The following MRPS18A variants were observed in gnomAD, a reference collection of about 807,000 sequenced individuals.
The protein encoded by MRPS18A is mitochondrial ribosomal protein S18A.
A neutral mutation model predicts 22.7 loss-of-function variants in MRPS18A; 20 were observed. The ratio of observed to expected loss-of-function variants is 0.88; its 90% CI spans 0.62 to 1.28. The LOEUF (loss-of-function observed/expected upper bound fraction) is 1.28. Among genes scored for constraint, MRPS18A ranks in the 50% most tolerant of loss-of-function variants. The pLI is 0.00. For missense variants in MRPS18A, 294 were observed against 262.6 expected (o/e 1.12, Z -0.83); for synonymous variants, 106 against 99.1 (o/e 1.07, Z -0.41).
At chr6:43,677,360 C>G (rs1774116326) in intron 3 of MRPS18A, among the ~76,000 whole-genome samples, 1 of 152,212 alleles carries the variant, frequency 6.6e-6, no homozygotes, top group African/African-American at 2.4e-5. Context: ...TTGGGTCACT[C>G]TGTTCAGATC....
rs1773701375 is a variant in MRPS18A, at chr6:43,671,656, A to G, written c.*106T>C. On this transcript the variant is annotated 3_prime_UTR_variant, in exon 6 of 6. Coordinates refer to ENST00000372133, the MANE Select transcript of MRPS18A (RefSeq NM_018135.4). Reference sequence around the variant, plus strand: ...CCATGCATGTTGGAGGGACCAGGCCATCGTGGTGGGGTGGGACAGGAGTAT... The same window carrying G: ...CCATGCATGTTGGAGGGACCAGGCCGTCGTGGTGGGGTGGGACAGGAGTAT... The G allele has an allele frequency of 7.4e-7, 1 of 1,360,332 alleles. No homozygotes were observed. Among genetic ancestry groups the G allele is most frequent in the East Asian group, 2.3e-5 (1 of 43,520 alleles). The allele number at this position is 1,360,332 out of a possible 1,614,324, so 84.3% of individuals were successfully genotyped here. A position where few individuals can be genotyped will look rare whatever the true frequency, so the allele number is the denominator to read the frequency against.
rs1396346974 is a variant in MRPS18A, at chr6:43,671,836, G to T, written c.517C>A (p.Arg173Ser). 6.2e-7 allele frequency: 1 copy of T among 1,614,116 alleles called. No individual in the cohort carries two copies. The highest frequency in any genetic ancestry group is 8.5e-7 in the Non-Finnish European group (1 of 1,179,988). The change falls in exon 6 of 6, where the codon CGC becomes AGC. Residue 173 changes from arginine to serine, a missense_variant. Arg to Ser is a moderately radical substitution (Grantham distance 110). Transcript: ENST00000372133. The part of the protein sequence containing the change: ...YKKGPRWNRV[R>S]MPVGSPLLRD... ...AGAAGGGGTGACCCCACGGGCATGC[G>T]CACCCTGTTCCAGCGGGGGCCTTTT...
chr6:43,677,446 G>C (rs1176501705), intron 3 of MRPS18A, among the ~76,000 whole-genome samples: 6 of 152,168 alleles, frequency 3.9e-5, no homozygotes, highest in African/African-American at 1.4e-4. Flanking sequence ...TCCACAAAGG[G>C]GCACAGGGAC....
At chr6:43,680,758 C>T (rs1156705756) in intron 2 of MRPS18A, among the ~76,000 whole-genome samples, 1 of 152,222 alleles carries the variant, frequency 6.6e-6, no homozygotes, top group Non-Finnish European at 1.5e-5. Context: ...TACTCTGGCT[C>T]TCTAGGCGTG....
Position 43,675,187 on chromosome 6 carries a change from C to A in MRPS18A, c.446+15G>T, listed in dbSNP as rs751110566. 1.3e-6 allele frequency: 2 copies of A among 1,511,422 alleles called. No homozygotes were observed. Among genetic ancestry groups the A allele is most frequent in the Non-Finnish European group, 1.8e-6 (2 of 1,130,846 alleles). 93.6% of individuals were successfully genotyped at this position (1,511,422 alleles called of 1,614,324 possible). A position where few individuals can be genotyped will look rare whatever the true frequency, so the allele number is the denominator to read the frequency against. On this transcript the variant is annotated intron_variant, in intron 5 of 5. Coordinates refer to ENST00000372133, the MANE Select transcript of MRPS18A (RefSeq NM_018135.4). ...GCGCAGAACGCTCAGGTTGTTCACA[C>A]CCAGGCTTGCTTACCGGTTGAGTTG... is the stretch of plus-strand genomic sequence containing the variant.
intron 4 of MRPS18A, 53 bp downstream of exon 4, chr6:43,675,441 G>A: frequency 1.2e-6 from 2 of 1,613,596 alleles, no homozygotes; most frequent in South Asian, 1.1e-5. Flanking sequence ...GCAGCTGGGT[G>A]GGGAGAGAGT....
chr6:43,678,718 G>C lies in MRPS18A; in HGVS notation c.145-93C>G. On this transcript the variant is annotated intron_variant, in intron 2 of 5. Coordinates refer to ENST00000372133, the MANE Select transcript of MRPS18A (RefSeq NM_018135.4). ...AAACCCCAAAATGATGGTAATGCTGGTGAAAGTTTACCTTGGGGGTTCTTG... is the reference window on the plus strand; with the variant it reads ...AAACCCCAAAATGATGGTAATGCTGCTGAAAGTTTACCTTGGGGGTTCTTG... 1.7e-5 allele frequency: 15 copies of C among 887,878 alleles called. No individual in the cohort carries two copies. In the South Asian group the frequency reaches 2.1e-4, roughly 12 times the overall value. The allele number at this position is 887,878 out of a possible 1,614,324, so 55.0% of individuals were successfully genotyped here.
chr6:43,686,673 C>T (rs1774718793), intron 1 of MRPS18A, among the ~76,000 whole-genome samples: 1 of 152,224 alleles, frequency 6.6e-6, no homozygotes, highest in Admixed American at 6.5e-5. Context: ...CTCTTTTCCA[C>T]TGGATACTTC....
At chr6:43,680,289 G>A (rs549368055) in intron 2 of MRPS18A, among the ~76,000 whole-genome samples, 1 of 152,266 alleles carries the variant, frequency 6.6e-6, no homozygotes, top group East Asian at 1.9e-4. Context: ...GTAGTGGAAA[G>A]GCAGAGGGAG....
At chr6:43,687,570 C>T in intron 1 of MRPS18A, 98 bp downstream of exon 1, 1 of 1,102,558 alleles carries the variant, frequency 9.1e-7, no homozygotes, top group Non-Finnish European at 1.3e-6. Flanking sequence ...GTTTCAGAAT[C>T]GGACGAAGGA....
intron 3 of MRPS18A, among the ~76,000 whole-genome samples, chr6:43,676,484 T>C (rs992884012): frequency 6.6e-6 from 1 of 152,122 alleles, no homozygotes; most frequent in Non-Finnish European, 1.5e-5. Flanking sequence ...CAGATCTGAG[T>C]GGATTCTTGG....
Position 43,687,772 on chromosome 6 carries a change from G to A in MRPS18A, c.8C>T (p.Ala3Val), listed in dbSNP as rs775439714. 1.9e-6 allele frequency: 3 copies of A among 1,573,498 alleles called. No homozygotes were observed. The highest frequency in any genetic ancestry group is 2.3e-5 in the East Asian group (1 of 43,302). The change falls in exon 1 of 6, where the codon GCC becomes GTC. Residue 3 changes from alanine to valine, a missense_variant. Ala to Val is a moderately conservative substitution (Grantham distance 64, BLOSUM62 0). Transcript: ENST00000372133. MAALKALVSGCGR... is the reference protein window; with the variant it reads MAVLKALVSGCGR... Reference sequence around the variant, plus strand: ...ACAGCCGGACACCAGAGCCTTGAGGGCCGCCATCTTCAAAAACCTACCCTG... The same window carrying A: ...ACAGCCGGACACCAGAGCCTTGAGGACCGCCATCTTCAAAAACCTACCCTG...
chr6:43,674,642 T>C (rs1475431519), intron 5 of MRPS18A, among the ~76,000 whole-genome samples: 2 of 152,174 alleles, frequency 1.3e-5, no homozygotes, highest in African/African-American at 2.4e-5. Context: ...GCAGACAAAG[T>C]GATTCCAAGG....
chr6:43,681,212 AAGC>A (rs1774391919), intron 1 of MRPS18A, 92 bp from the exon 2 acceptor site: 4 of 1,344,048 alleles, frequency 3.0e-6, no homozygotes, highest in Non-Finnish European at 4.2e-6. Flanking sequence ...ATCTGGAAAA[AAGC>A]AGCCTTCCAT....
rs1202755687 is a variant in MRPS18A at position 43,687,789 on chromosome 6, C to T, written c.-10G>A. 1.3e-6 allele frequency: 2 copies of T among 1,552,472 alleles called. No homozygotes were observed. Among genetic ancestry groups the T allele is most frequent in the African/African-American group, 1.4e-5 (1 of 73,226 alleles). On this transcript the variant is annotated 5_prime_UTR_variant, in exon 1 of 6. Transcript: ENST00000372133. ...CCTTGAGGGCCGCCATCTTCAAAAA[C>T]CTACCCTGACCTCTCGTCCATTTCC...
Position 43,687,728 on chromosome 6 carries a change from G to A in MRPS18A, c.52C>T (p.Leu18=). ...CTGGTCGCTGCCGGGCCCGCTAGTA[G>A]CCCACGGAGAAGCCGCCCACAGCCG... ...VSGCGRLLRG[L]LAGPAATSWS... Residue 18 remains leucine, a synonymous_variant, in exon 1 of 6, where the codon CTA becomes TTA. Transcript: ENST00000372133. 6.3e-7 allele frequency: 1 copy of A among 1,588,552 alleles called. No individual in the cohort carries two copies. The highest frequency in any genetic ancestry group is 8.6e-7 in the Non-Finnish European group (1 of 1,167,730).
intron 3 of MRPS18A, among the ~76,000 whole-genome samples, chr6:43,677,514 T>C (rs1405177258): frequency 1.3e-5 from 2 of 152,160 alleles, no homozygotes; most frequent in Non-Finnish European, 2.9e-5. Context: ...AAATAGGGTG[T>C]TTCATGTCAC....
chr6:43,682,650 C>T (rs1294998836), intron 1 of MRPS18A, among the ~76,000 whole-genome samples: 1 of 152,204 alleles, frequency 6.6e-6, no homozygotes. Context: ...TGGGTCACCC[C>T]ACACACGGAT....
At chr6:43,672,139 G>C (rs1294097740) in intron 5 of MRPS18A, 5 of 592,112 alleles carry the variant, frequency 8.4e-6, no homozygotes, top group Non-Finnish European at 1.5e-5. Flanking sequence ...AGGCAGCCCA[G>C]GGCCACAAGC....
Sources: allele counts gnomAD v4.1 joint callset (sites outside exome capture counted in the v4.1 genomes callset), GRCh38; gene constraint gnomAD v4.1.1; transcripts MANE v1.5; gene names NCBI Gene and HGNC (gene_info 2026-07-23, HGNC 2026-07-21).